Variants in PRICKLE1 observed in about 807,000 individuals in gnomAD.
PRICKLE1 encodes the protein prickle planar cell polarity protein 1, also known as prickle-like protein 1.
PRICKLE1 carries 14 observed loss-of-function variants against 70.2 expected under a neutral mutation model. The observed-to-expected ratio is 0.20, with a 90% CI of 0.13 to 0.31. The LOEUF (loss-of-function observed/expected upper bound fraction) is 0.31. Among genes scored for constraint, PRICKLE1 ranks in the 10% least tolerant of loss-of-function variants. PRICKLE1 has a pLI of 1.00. For synonymous variants in PRICKLE1, 357 were observed against 379.9 expected, an observed-to-expected ratio of 0.94 and a Z score of 0.70; for missense variants, 821 against 1,026.2, an observed-to-expected ratio of 0.80 and a Z score of 2.73.
chr12:42,479,504 A>G (rs1938709739), intron 1 of PRICKLE1, among the ~76,000 whole-genome samples: 4 of 152,236 alleles, frequency 2.6e-5, no homozygotes, highest in Admixed American at 2.6e-4. Flanking sequence ...TTCATATAAC[A>G]CAGTGATATA....
At chr12:42,490,630 T>A (rs1285735164) in intron 1 of PRICKLE1, among the ~76,000 whole-genome samples, 1 of 152,168 alleles carries the variant, frequency 6.6e-6, no homozygotes, top group African/African-American at 2.4e-5. Context: ...ACGTGATTTC[T>A]CAGGGTGGAT....
chr12:42,531,160 C>A (rs1367622502), intron 1 of PRICKLE1, among the ~76,000 whole-genome samples: 1 of 149,082 alleles, frequency 6.7e-6, no homozygotes, highest in Admixed American at 6.8e-5. Context: ...CATTCTCCTG[C>A]CTCAGCCTCC....
intron 1 of PRICKLE1, among the ~76,000 whole-genome samples, chr12:42,517,239 T>C (rs1187372796): frequency 1.3e-5 from 2 of 152,054 alleles, no homozygotes; most frequent in South Asian, 2.1e-4. Context: ...TTTTTAAAAA[T>C]ACTTTTACTG....
chr12:42,496,738 A>G (rs1401213249), intron 1 of PRICKLE1, among the ~76,000 whole-genome samples: 1 of 151,960 alleles, frequency 6.6e-6, no homozygotes, highest in East Asian at 1.9e-4. Flanking sequence ...CTCATGAAGC[A>G]ACCTCTGCTA....
rs1443057756 is a variant in PRICKLE1 at position 42,508,749 on chromosome 12, G to C, written c.-48-36185C>G. On this transcript the variant is annotated intron_variant, in intron 1 of 7. Transcript: ENST00000345127. ...GAAGGGGAGAGGGATGCACTTTCAG[G>C]GTGCTTGGAGATTGTGGCGCTCTAT... is the stretch of plus-strand genomic sequence containing the variant. Among the ~76,000 whole-genome samples the C allele has an allele frequency of 2.0e-5, 3 of 152,112 alleles. No individual in the cohort carries two copies. In the East Asian group the frequency reaches 5.8e-4, roughly 29 times the overall value.
intron 1 of PRICKLE1, among the ~76,000 whole-genome samples, chr12:42,574,706 C>G (rs1940775269): frequency 6.6e-6 from 1 of 152,146 alleles, no homozygotes; most frequent in South Asian, 2.1e-4. Context: ...AGTGAGTTTA[C>G]CTTCAAAAAA....
chr12:42,570,108 C>T (rs1019954304), intron 1 of PRICKLE1, among the ~76,000 whole-genome samples: 13 of 152,224 alleles, frequency 8.5e-5, no homozygotes, highest in Admixed American at 3.3e-4. Flanking sequence ...GACACCTGAG[C>T]GGTTATGACC....
intron 1 of PRICKLE1, among the ~76,000 whole-genome samples, chr12:42,528,060 A>T (rs757561849): frequency 3.3e-5 from 5 of 151,228 alleles, no homozygotes; most frequent in Non-Finnish European, 5.9e-5. Context: ...GGTAAAGCTA[A>T]CCTTCTTTAT....
At chr12:42,499,570 G>A (rs1939269473) in intron 1 of PRICKLE1, among the ~76,000 whole-genome samples, 1 of 151,844 alleles carries the variant, frequency 6.6e-6, no homozygotes, top group East Asian at 1.9e-4. Context: ...ATAAGCACAT[G>A]CCACCACACC....
intron 1 of PRICKLE1, among the ~76,000 whole-genome samples, chr12:42,551,913 C>T (rs1372768741): frequency 1.3e-5 from 2 of 152,262 alleles, no homozygotes; most frequent in East Asian, 3.9e-4. Context: ...AAAAGCCCCA[C>T]TATATTTCTA....
chr12:42,556,280 G>A (rs1940411798), intron 1 of PRICKLE1, among the ~76,000 whole-genome samples: 1 of 152,146 alleles, frequency 6.6e-6, no homozygotes, highest in African/African-American at 2.4e-5. Context: ...TGTGAGGCCA[G>A]CAAGACCCTG....
chr12:42,459,043 C>T lies in PRICKLE1; in HGVS notation c.*766G>A. The T allele has an allele frequency of 2.5e-6, 1 of 403,012 alleles. No individual in the cohort carries two copies. Among genetic ancestry groups the T allele is most frequent in the Non-Finnish European group, 4.5e-6 (1 of 223,722 alleles). The allele number at this position is 403,012 out of a possible 1,614,324, so 25.0% of individuals were successfully genotyped here. ...AAATTTGACCATCTACATTTATAAA[C>T]CCTGACTAAAATATAAGCAATCAGT... On this transcript the variant is annotated 3_prime_UTR_variant, in exon 8 of 8. Transcript: ENST00000345127.
intron 3 of PRICKLE1, 75 bp from the exon 4 acceptor site, chr12:42,469,662 G>C: frequency 6.3e-7 from 1 of 1,593,328 alleles, no homozygotes; most frequent in Non-Finnish European, 8.6e-7. Context: ...TCCAGAGTTA[G>C]GGTTTCAGGA....
chr12:42,516,227 G>A (rs1191377422), intron 1 of PRICKLE1, among the ~76,000 whole-genome samples: 1 of 152,056 alleles, frequency 6.6e-6, no homozygotes, highest in African/African-American at 2.4e-5. Flanking sequence ...CACCTCCCGG[G>A]TTCATGCCAT....
At chr12:42,462,088 G>A (rs994715135) in intron 7 of PRICKLE1, among the ~76,000 whole-genome samples, 2 of 152,006 alleles carry the variant, frequency 1.3e-5, no homozygotes, top group Admixed American at 6.6e-5. Context: ...GTGAGCCACC[G>A]CGCCCGGCCC....
chr12:42,514,370 A>T (rs1939567310), intron 1 of PRICKLE1, among the ~76,000 whole-genome samples: 1 of 152,060 alleles, frequency 6.6e-6, no homozygotes, highest in South Asian at 2.1e-4. Flanking sequence ...TAGTTCTCTT[A>T]TCTCATGGTT....
intron 1 of PRICKLE1, among the ~76,000 whole-genome samples, chr12:42,492,311 A>G (rs1028822540): frequency 1.5e-4 from 23 of 152,186 alleles, no homozygotes; most frequent in South Asian, 2.1e-4. Context: ...TTCATGAACT[A>G]TGTGCTCAAA....
At chr12:42,511,794 A>G (rs1163709142) in intron 1 of PRICKLE1, among the ~76,000 whole-genome samples, 1 of 152,204 alleles carries the variant, frequency 6.6e-6, no homozygotes, top group African/African-American at 2.4e-5. Flanking sequence ...TCTGGAACAA[A>G]GGTTTACTTG....
intron 1 of PRICKLE1, among the ~76,000 whole-genome samples, chr12:42,588,285 A>G (rs1283896686): frequency 6.6e-6 from 1 of 152,226 alleles, no homozygotes; most frequent in African/African-American, 2.4e-5. Flanking sequence ...GAACCACATC[A>G]ATTATATAAC....
Sources: gnomAD v4.1 joint callset for allele counts (sites outside exome capture counted in the v4.1 genomes callset) on GRCh38, gnomAD v4.1.1 for gene constraint, MANE v1.5 for transcripts, NCBI Gene and HGNC (gene_info 2026-07-23, HGNC 2026-07-21) for gene names.